CDH18: variants seen among roughly 807,000 people sequenced by gnomAD.
CDH18 encodes cadherin 18.
In CDH18, 31 loss-of-function variants were observed where a neutral mutation model predicts 67.9. The ratio of observed to expected loss-of-function variants is 0.46; its 90% confidence interval spans 0.34 to 0.62. The LOEUF is 0.62. Among genes scored for constraint, CDH18 ranks in the 20% least tolerant of loss-of-function variants. The probability of loss-of-function intolerance (pLI) is 0.01; values close to 1 mark genes in which losing one functional copy is unlikely to be tolerated. For missense variants in CDH18, 890 were observed against 975.5 expected, an observed-to-expected ratio of 0.91 and a Z score of 1.17; for synonymous variants, 362 against 347.2, an observed-to-expected ratio of 1.04 and a Z score of -0.48.
In CDH18 at chr5:19,692,608, T is replaced by C. The variant is rs535347281; in HGVS notation, c.643+28739A>G. Reference sequence around the variant, plus strand: ...CATTTCTAATAAAACGATATGCAAATGGCCAACAGGTATAAGAATAATACT... The same window carrying C: ...CATTTCTAATAAAACGATATGCAAACGGCCAACAGGTATAAGAATAATACT... On this transcript the variant is annotated intron_variant, in intron 5 of 12. Transcript: ENST00000382275. 5.9e-5 allele frequency among the ~76,000 whole-genome samples: 9 copies of C among 151,876 alleles called. No homozygotes were observed. In the East Asian group the frequency reaches 1.7e-3, roughly 29 times the overall value.
At chr5:20,486,137 C>T (rs1753157926) in intron 1 of CDH18, among the ~76,000 whole-genome samples, 1 of 152,130 alleles carries the variant, frequency 6.6e-6, no homozygotes, top group South Asian at 2.1e-4. Context: ...AACCCCAGTT[C>T]TAATTGTAAA....
exon 1 of CDH18, chr5:20,575,514 G>A (rs1000321927): frequency 5.9e-5 from 9 of 152,126 alleles, no homozygotes; most frequent in Admixed American, 4.6e-4. Context: ...GAACTGGAAA[G>A]GGGACTTGAT....
intron 1 of CDH18, among the ~76,000 whole-genome samples, chr5:20,346,230 T>C (rs1740683903): frequency 6.6e-6 from 1 of 152,182 alleles, no homozygotes; most frequent in African/African-American, 2.4e-5. Context: ...CTCTATGTTA[T>C]GGAGCAGAGA....
In CDH18 at chr5:19,959,742, A is replaced by G. The variant is rs1367581829; in HGVS notation, c.-257+21318T>C. 2.6e-5 allele frequency among the ~76,000 whole-genome samples: 4 copies of G among 152,090 alleles called. No homozygotes were observed. In the East Asian group the frequency reaches 7.7e-4, roughly 29 times the overall value. On this transcript the variant is annotated intron_variant, in intron 2 of 12. Transcript: ENST00000382275. Reference sequence around the variant, plus strand: ...CTTAATGACAGGAATGTGTTCTGAGAAATACACCCTTCAATGATTTCATTC... The same window carrying G: ...CTTAATGACAGGAATGTGTTCTGAGGAATACACCCTTCAATGATTTCATTC...
chr5:19,813,232 A>T (rs1778935476), intron 3 of CDH18, among the ~76,000 whole-genome samples: 1 of 152,126 alleles, frequency 6.6e-6, no homozygotes, highest in Non-Finnish European at 1.5e-5. Flanking sequence ...TGGCATGTGT[A>T]TATTTACGTA....
Position 20,038,510 on chromosome 5 carries a change from C to T in CDH18, c.-517-46496G>A, listed in dbSNP as rs1740099878. Among the ~76,000 whole-genome samples, 3 of 152,196 alleles carry T rather than the reference C, an allele frequency of 2.0e-5. No homozygotes were observed. The South Asian group carries it at 6.2e-4, about 31-fold the overall frequency. The stretch of plus-strand genomic sequence containing the variant: ...AGCTTACTGACCACGATCAAGTCGA[C>T]TTCATCCCTGGGATGCAAGCTGGTT... On this transcript the variant is annotated intron_variant, in intron 2 of 14. Transcript: ENST00000507958.
At chr5:20,093,610 AG>A (rs1300187281) in intron 2 of CDH18, among the ~76,000 whole-genome samples, 1 of 152,216 alleles carries the variant, frequency 6.6e-6, no homozygotes, top group Admixed American at 6.5e-5. Flanking sequence ...AAAATATAAC[AG>A]TAATAAAATA....
intron 1 of CDH18, among the ~76,000 whole-genome samples, chr5:20,326,271 A>G (rs1026440488): frequency 6.6e-6 from 1 of 152,098 alleles, no homozygotes; most frequent in Admixed American, 6.5e-5. Flanking sequence ...AAATCTGAGA[A>G]TCCCTGGTAT....
intron 1 of CDH18, among the ~76,000 whole-genome samples, chr5:20,494,164 G>A (rs569858477): frequency 7.9e-5 from 12 of 152,180 alleles, no homozygotes; most frequent in Non-Finnish European, 1.0e-4. Context: ...CTCAAACAAC[G>A]TAGTTTTCTT....
At chr5:19,865,065 T>C (rs1353606651) in intron 2 of CDH18, among the ~76,000 whole-genome samples, 1 of 152,184 alleles carries the variant, frequency 6.6e-6, no homozygotes, top group Non-Finnish European at 1.5e-5. Context: ...CCTTTTTACT[T>C]GTCTTTCTTT....
At chr5:20,393,388 T>C (rs940913256) in intron 1 of CDH18, among the ~76,000 whole-genome samples, 1 of 152,000 alleles carries the variant, frequency 6.6e-6, no homozygotes, top group Non-Finnish European at 1.5e-5. Flanking sequence ...AAGGGTTTTG[T>C]TGTTGTTATT....
intron 2 of CDH18, among the ~76,000 whole-genome samples, chr5:20,165,139 G>A (rs898828998): frequency 1.3e-5 from 2 of 151,926 alleles, no homozygotes; most frequent in African/African-American, 2.4e-5. Flanking sequence ...AACAAAAATG[G>A]GAAGCACATT....
chr5:19,563,862 C>T (rs1164195740), intron 8 of CDH18, among the ~76,000 whole-genome samples: 1 of 152,164 alleles, frequency 6.6e-6, no homozygotes, highest in Admixed American at 6.5e-5. Context: ...ACAACCCCTC[C>T]CTCATACCCT....
At chr5:19,531,465 C>T (rs747279810) in intron 9 of CDH18, among the ~76,000 whole-genome samples, 3 of 152,034 alleles carry the variant, frequency 2.0e-5, no homozygotes, top group Admixed American at 6.6e-5. Flanking sequence ...ATGCGGAAGA[C>T]GTGAAGCAAC....
chr5:20,501,593 A>ATT (rs1308880770), intron 1 of CDH18, among the ~76,000 whole-genome samples: 10 of 11,068 alleles, frequency 9.0e-4, no homozygotes, highest in South Asian at 5.5e-3. Context: ...ATATATATAT[A>ATT]TTATATATAT....
At position 20,247,086 on chromosome 5, in the gene CDH18, T is replaced by A. The variant is rs116394029; in HGVS notation, c.-518+8358A>T. Among the ~76,000 whole-genome samples the A allele has an allele frequency of 1.0e-3, 155 of 152,292 alleles. 1 individual carries two copies. Among genetic ancestry groups the A allele is most frequent in the African/African-American group, 3.6e-3 (149 of 41,570 alleles). On this transcript the variant is annotated intron_variant, in intron 2 of 14. Coordinates refer to the CDH18 transcript ENST00000507958. ...TCAACCACAGTTCATTCATTCACAA[T>A]TAATGCCTTCCCAACCATGCAGCCT...
intron 1 of CDH18, among the ~76,000 whole-genome samples, chr5:20,322,971 C>T (rs1163075669): frequency 5.3e-5 from 8 of 151,886 alleles, no homozygotes; most frequent in South Asian, 4.1e-4. Context: ...ATAGAATATC[C>T]TTTGGTGCAA....
In CDH18 at chr5:19,511,306, T is replaced by C. The variant is rs528469703; in HGVS notation, c.1513-8197A>G. ...TACATTACCATGTCTCAAGCAGTTC[T>C]TAATAGTATGAAAACAGACTAATAC... On this transcript the variant is annotated intron_variant, in intron 10 of 12. Coordinates refer to ENST00000382275, the MANE Select transcript of CDH18 (RefSeq NM_004934.5). 6.7e-4 allele frequency among the ~76,000 whole-genome samples: 95 copies of C among 142,844 alleles called. 2 individuals carry two copies. Among genetic ancestry groups the C allele is most frequent in the Non-Finnish European group, 5.3e-4 (34 of 64,674 alleles). 93.7% of individuals were successfully genotyped at this position (142,844 alleles called of 152,430 possible).
chr5:20,137,348 A>T (rs1282239914), intron 2 of CDH18, among the ~76,000 whole-genome samples: 1 of 152,000 alleles, frequency 6.6e-6, no homozygotes, highest in Non-Finnish European at 1.5e-5. Flanking sequence ...TCAATCACTG[A>T]TACCCTTTCT....
Sources: allele counts gnomAD v4.1 joint callset (sites outside exome capture counted in the v4.1 genomes callset), GRCh38; gene constraint gnomAD v4.1.1; transcripts MANE v1.5; gene names NCBI Gene and HGNC (gene_info 2026-07-23, HGNC 2026-07-21).